DAB1: variants seen among roughly 807,000 people sequenced by gnomAD.
The protein encoded by DAB1 is DAB adaptor protein 1, also known as disabled homolog 1.
A neutral mutation model predicts 64.6 loss-of-function variants in DAB1; 15 were observed. That is an observed-to-expected ratio of 0.23 (90% CI 0.16 to 0.36). DAB1 has a LOEUF of 0.36. Ranked by LOEUF, DAB1 falls within the 10% of genes least tolerant of loss-of-function variation. The pLI, the probability that DAB1 is intolerant of heterozygous loss-of-function variation, is 1.00. For missense variants in DAB1, 596 were observed against 706.7 expected (o/e 0.84, Z 1.78); for synonymous variants, 235 against 251.9 (o/e 0.93, Z 0.64).
intron 1 of DAB1, among the ~76,000 whole-genome samples, chr1:57,841,824 A>G (rs770032477): frequency 3.9e-5 from 6 of 152,128 alleles, no homozygotes; most frequent in Non-Finnish European, 7.4e-5. Flanking sequence ...TGCTGTGAAG[A>G]TCTCTGAAAT....
intron 1 of DAB1, among the ~76,000 whole-genome samples, chr1:57,312,400 A>C (rs367907341): frequency 1.2e-4 from 18 of 151,756 alleles, no homozygotes; most frequent in Admixed American, 2.0e-4. Flanking sequence ...AAAATCCAGA[A>C]CTAGACGAGA....
chr1:57,936,123 G>A (rs540997079), intron 5 of DAB1, among the ~76,000 whole-genome samples: 8 of 152,314 alleles, frequency 5.3e-5, no homozygotes, highest in East Asian at 1.9e-4. Flanking sequence ...CCTTACAGGC[G>A]GGTTATTCCA....
chr1:57,777,116 G>C (rs907457328), intron 6 of DAB1, among the ~76,000 whole-genome samples: 2 of 130,968 alleles, frequency 1.5e-5, no homozygotes, highest in South Asian at 2.5e-4. Flanking sequence ...GCACGTTAAA[G>C]ATTTTTCCGT....
At chr1:57,171,469 G>A (rs568256483) in intron 2 of DAB1, among the ~76,000 whole-genome samples, 1 of 152,072 alleles carries the variant, frequency 6.6e-6, no homozygotes, top group African/African-American at 2.4e-5. Flanking sequence ...TAGAAGAAAA[G>A]AGTTCCTCTT....
chr1:58,274,941 T>C (rs1398338097), intron 4 of DAB1, among the ~76,000 whole-genome samples: 1 of 142,902 alleles, frequency 7.0e-6, no homozygotes, highest in South Asian at 2.2e-4. Context: ...GTACCTCAGA[T>C]GGAAATGCAG....
intron 7 of DAB1, among the ~76,000 whole-genome samples, chr1:57,465,229 T>G (rs1686915974): frequency 6.6e-6 from 1 of 152,176 alleles, no homozygotes; most frequent in African/African-American, 2.4e-5. Context: ...TCCTCTGGTT[T>G]ATGGGTTACA....
At chr1:58,506,753 G>A (rs1054314744) in intron 2 of DAB1, among the ~76,000 whole-genome samples, 20 of 151,880 alleles carry the variant, frequency 1.3e-4, no homozygotes, top group Non-Finnish European at 5.9e-5. Flanking sequence ...AGAACAATCA[G>A]AAAAAAACTT....
intron 5 of DAB1, among the ~76,000 whole-genome samples, chr1:58,112,155 GC>G (rs1226630416): frequency 6.6e-6 from 1 of 152,128 alleles, no homozygotes; most frequent in Admixed American, 6.6e-5. Context: ...TCCTTAAGAA[GC>G]CTGTCCCTGA....
At chr1:57,468,181 G>T (rs1258731856) in intron 7 of DAB1, among the ~76,000 whole-genome samples, 1 of 152,124 alleles carries the variant, frequency 6.6e-6, no homozygotes, top group Non-Finnish European at 1.5e-5. Flanking sequence ...ATAGTGCTTG[G>T]CATATAGGAA....
chr1:57,192,588 C>G lies in DAB1; in HGVS notation c.68-47159G>C, dbSNP rs143608947. Among the ~76,000 whole-genome samples, 10 of 152,254 alleles carry G rather than the reference C, an allele frequency of 6.6e-5. No homozygotes were observed. In the South Asian group the frequency reaches 2.1e-3, roughly 32 times the overall value. On this transcript the variant is annotated intron_variant, in intron 2 of 14. Transcript: ENST00000371236. ...ACCATCACCATCAGCAACATCCTTA[C>G]TCTGATTTGGCCATTTTTCTTTCTT... is the stretch of plus-strand genomic sequence containing the variant.
intron 14 of DAB1, among the ~76,000 whole-genome samples, chr1:57,007,673 A>G (rs1014279972): frequency 1.3e-5 from 2 of 152,174 alleles, no homozygotes; most frequent in African/African-American, 4.8e-5. Context: ...TGTCATCCCT[A>G]CTTACTCAGA....
intron 1 of DAB1, chr1:58,536,627 G>C (rs200410055): frequency 1.1e-6 from 1 of 872,750 alleles, no homozygotes; most frequent in African/African-American, 1.6e-5. Context: ...ACACCACAAA[G>C]AGCAATCCAA....
intron 6 of DAB1, among the ~76,000 whole-genome samples, chr1:57,743,614 T>TCACC (rs1648113083): frequency 6.6e-6 from 1 of 152,166 alleles, no homozygotes; most frequent in South Asian, 2.1e-4. Flanking sequence ...TTTCCAGGTA[T>TCACC]CACCCATGGA....
chr1:57,942,008 A>C (rs1239308227), intron 5 of DAB1, among the ~76,000 whole-genome samples: 1 of 152,182 alleles, frequency 6.6e-6, no homozygotes, highest in Non-Finnish European at 1.5e-5. Flanking sequence ...GGAAAAAGTC[A>C]AGTGTTTCAA....
chr1:58,511,740 C>T (rs1008678836), intron 2 of DAB1, among the ~76,000 whole-genome samples: 2 of 152,040 alleles, frequency 1.3e-5, no homozygotes, highest in Admixed American at 1.3e-4. Context: ...AAACTGGACC[C>T]TTATCTTACG....
chr1:57,582,305 G>C (rs191411746), intron 7 of DAB1, among the ~76,000 whole-genome samples: 1 of 152,292 alleles, frequency 6.6e-6, no homozygotes, highest in Admixed American at 6.5e-5. Flanking sequence ...TGGCAGGAGA[G>C]AGAGAAAAAT....
chr1:57,520,182 T>C (rs1644508547), intron 7 of DAB1, among the ~76,000 whole-genome samples: 1 of 152,204 alleles, frequency 6.6e-6, no homozygotes, highest in Admixed American at 6.5e-5. Flanking sequence ...GCACTTAGCA[T>C]GGTGACTGGA....
At chr1:57,231,549 C>T (rs78382619) in intron 2 of DAB1, among the ~76,000 whole-genome samples, 5,038 of 152,296 alleles carry the variant, frequency 0.033, 336 homozygotes, top group Admixed American at 0.18. Flanking sequence ...TTACTGATTA[C>T]ATGCTGTATG....
chr1:58,145,777 T>G (rs1416201509), intron 5 of DAB1, among the ~76,000 whole-genome samples: 1 of 152,230 alleles, frequency 6.6e-6, no homozygotes. Context: ...TCCACGGACA[T>G]GCGCTTCACT....
Sources: gnomAD v4.1 joint callset for allele counts (sites outside exome capture counted in the v4.1 genomes callset) on GRCh38, gnomAD v4.1.1 for gene constraint, MANE v1.5 for transcripts, NCBI Gene and HGNC (gene_info 2026-07-23, HGNC 2026-07-21) for gene names.